Variants in TSPAN14 observed in about 807,000 individuals in gnomAD.
TSPAN14 encodes the protein tetraspanin 14.
TSPAN14 carries 16 observed loss-of-function variants against 36.6 expected under a neutral mutation model. The ratio of observed to expected loss-of-function variants is 0.44; its 90% CI spans 0.30 to 0.66. TSPAN14 has a LOEUF of 0.66. Among genes scored for constraint, TSPAN14 ranks in the 30% least tolerant of loss-of-function variants. TSPAN14 has a pLI of 0.12. For missense variants in TSPAN14, 231 were observed against 355.1 expected, an observed-to-expected ratio of 0.65 and a Z score of 2.81; for synonymous variants, 139 against 143.8, an observed-to-expected ratio of 0.97 and a Z score of 0.24.
intron 4 of TSPAN14, among the ~76,000 whole-genome samples, chr10:80,507,767 G>A (rs912384169): frequency 1.3e-5 from 2 of 152,184 alleles, no homozygotes; most frequent in African/African-American, 4.8e-5. Context: ...GGATGTGTGA[G>A]TCTGTTGGAT....
chr10:80,507,440 T>C (rs1326786488), intron 4 of TSPAN14, 66 bp downstream of exon 4: 8 of 1,607,332 alleles, frequency 5.0e-6, no homozygotes, highest in Non-Finnish European at 8.5e-7. Flanking sequence ...TGGGCAGGAT[T>C]ATATGTTACC....
chr10:80,501,581 C>T (rs555525874), intron 2 of TSPAN14, among the ~76,000 whole-genome samples: 1 of 152,140 alleles, frequency 6.6e-6, no homozygotes, highest in African/African-American at 2.4e-5. Context: ...CCCATGTGGC[C>T]CCACAGGATG....
Position 80,483,691 on chromosome 10 carries a change from C to T in TSPAN14, c.-17-5526C>T, listed in dbSNP as rs1847417620. On this transcript the variant is annotated intron_variant, in intron 1 of 8. Coordinates refer to ENST00000429989, the Ensembl canonical transcript of TSPAN14. ...TGGGAGGCTGAGATGGGCAGATCACCCAAGGTCAGTAGTTCGAGATCAGCC... is the reference window on the plus strand; with the variant it reads ...TGGGAGGCTGAGATGGGCAGATCACTCAAGGTCAGTAGTTCGAGATCAGCC... 3.3e-5 allele frequency among the ~76,000 whole-genome samples: 5 copies of T among 151,666 alleles called. No homozygotes were observed. The South Asian group carries it at 1.0e-3, about 32-fold the overall frequency.
Position 80,509,123 on chromosome 10 carries a change from G to A in TSPAN14, c.280-178G>A, listed in dbSNP as rs1338411639. ...AGCCCCTTTTTACAGATGAAGCGAAGTTGTGCAGAGTCACCCAGCTAACTC... is the reference window on the plus strand; with the variant it reads ...AGCCCCTTTTTACAGATGAAGCGAAATTGTGCAGAGTCACCCAGCTAACTC... On this transcript the variant is annotated intron_variant, in intron 4 of 8. Coordinates refer to ENST00000429989, the Ensembl canonical transcript of TSPAN14. The surrounding 1 kb of genome is among the most constrained non-coding windows in gnomAD (Gnocchi z 4.7). Among the ~76,000 whole-genome samples the A allele has an allele frequency of 6.6e-6, 1 of 152,244 alleles. No homozygotes were observed. Among genetic ancestry groups the A allele is most frequent in the East Asian group, 1.9e-4 (1 of 5,186 alleles).
chr10:80,459,177 C>T (rs1845861453), intron 1 of TSPAN14: 1 of 151,942 alleles, frequency 6.6e-6, no homozygotes, highest in African/African-American at 2.4e-5. Flanking sequence ...TCACCAGCAG[C>T]TGATTCTGGG....
rs201180720 is a variant in TSPAN14 at position 80,516,235 on chromosome 10, C to T, written c.653C>T (p.Thr218Met). Residue 218 changes from threonine to methionine, a missense_variant, in exon 8 of 9, where the codon ACG (threonine) becomes ATG (methionine). Coordinates refer to ENST00000429989, the Ensembl canonical transcript of TSPAN14. ...AGCAAGTGGGATGAGTCCATCTTCA[C>T]GAAAGGCTGCATCCAGGCGCTGGAA... is the stretch of plus-strand genomic sequence containing the variant. 1.2e-4 allele frequency: 189 copies of T among 1,614,230 alleles called. No homozygotes were observed. The highest frequency in any genetic ancestry group is 5.0e-4 in the Middle Eastern group (3 of 6,060).
chr10:80,501,105 GT>G (rs10713598), intron 2 of TSPAN14, among the ~76,000 whole-genome samples: 103,432 of 139,944 alleles, frequency 0.74, 37,807 homozygotes, highest in African/African-American at 0.83. Flanking sequence ...AACTGACGCT[GT>G]TTTTTTTTTT....
chr10:80,489,931 G>A (rs1305331115), intron 2 of TSPAN14, among the ~76,000 whole-genome samples: 1 of 152,182 alleles, frequency 6.6e-6, no homozygotes, highest in East Asian at 1.9e-4. Context: ...GCTGCAAAGG[G>A]CCTGAGGCAG....
At chr10:80,505,788 T>C (rs1840261540) in intron 3 of TSPAN14, among the ~76,000 whole-genome samples, 1 of 152,220 alleles carries the variant, frequency 6.6e-6, no homozygotes, top group Non-Finnish European at 1.5e-5. Flanking sequence ...TAACTGGGTG[T>C]GGCCCTGAGT....
chr10:80,497,030 T>G (rs1016350845), intron 2 of TSPAN14, among the ~76,000 whole-genome samples: 5 of 152,236 alleles, frequency 3.3e-5, no homozygotes, highest in African/African-American at 1.2e-4. Context: ...GTTTTTCTAC[T>G]AAGTATTCTT....
intron 1 of TSPAN14, among the ~76,000 whole-genome samples, chr10:80,480,853 C>T (rs551875123): frequency 6.6e-6 from 1 of 152,226 alleles, no homozygotes; most frequent in Admixed American, 6.5e-5. Flanking sequence ...ATGGGTGCAG[C>T]ACACCAGCAT....
intron 4 of TSPAN14, among the ~76,000 whole-genome samples, chr10:80,508,468 T>G (rs1292045472): frequency 6.6e-6 from 1 of 152,146 alleles, no homozygotes; most frequent in Non-Finnish European, 1.5e-5. Context: ...TGGCCGGTTG[T>G]GGCAAGCTGC....
intron 1 of TSPAN14, among the ~76,000 whole-genome samples, chr10:80,480,226 A>G (rs922479444): frequency 2.6e-5 from 4 of 151,228 alleles, no homozygotes; most frequent in African/African-American, 7.3e-5. Context: ...ATATACAATC[A>G]TGTCATCTGC....
chr10:80,492,748 G>A (rs556456709), intron 2 of TSPAN14, among the ~76,000 whole-genome samples: 32 of 151,986 alleles, frequency 2.1e-4, no homozygotes, highest in Non-Finnish European at 3.7e-4. Context: ...CCCGGGAGGC[G>A]GAGCTTGCAG....
intron 4 of TSPAN14, 105 bp downstream of exon 4, chr10:80,507,479 G>T (rs1840362290): frequency 1.0e-5 from 15 of 1,501,046 alleles, no homozygotes; most frequent in Non-Finnish European, 1.0e-5. Flanking sequence ...GCTCTTAGGA[G>T]CCTCCCCTAG....
chr10:80,517,050 G>T (rs1189151976), intron 8 of TSPAN14, among the ~76,000 whole-genome samples: 1 of 152,132 alleles, frequency 6.6e-6, no homozygotes, highest in Non-Finnish European at 1.5e-5. Flanking sequence ...TGCTGTTCAG[G>T]GCTTCCAAGA....
intron 8 of TSPAN14, 147 bp from the exon 9 acceptor site, chr10:80,517,758 G>A: frequency 8.0e-6 from 6 of 748,192 alleles, no homozygotes; most frequent in Admixed American, 2.2e-5. Context: ...TGTGCCACTC[G>A]CTCTGCGGTG....
chr10:80,517,889 C>A lies in TSPAN14; in HGVS notation c.742-16C>A. 6.4e-7 allele frequency: 1 copy of A among 1,558,258 alleles called. No individual in the cohort carries two copies. The highest frequency in any genetic ancestry group is 2.4e-5 in the East Asian group (1 of 42,208). ...GCCCCAGCAATGGCCGCTGACTCTG[C>A]TGGTGTTGGTTTCAGATATTTGGCA... is the stretch of plus-strand genomic sequence containing the variant. On this transcript the variant is annotated splice_polypyrimidine_tract_variant and intron_variant, in intron 8 of 8. Transcript: ENST00000429989.
At chr10:80,475,621 T>C (rs772158439) in intron 1 of TSPAN14, among the ~76,000 whole-genome samples, 5 of 152,124 alleles carry the variant, frequency 3.3e-5, no homozygotes, top group African/African-American at 4.8e-5. Context: ...AGAGTCTCGC[T>C]CTGTTGCCCA....
Sources: gnomAD v4.1 joint callset for allele counts (sites outside exome capture counted in the v4.1 genomes callset) on GRCh38, gnomAD v4.1.1 for gene constraint, Gnocchi (gnomAD v3.1) non-coding constraint, MANE v1.5 for transcripts, NCBI Gene and HGNC (gene_info 2026-07-23, HGNC 2026-07-21) for gene names.